AHCY: variants seen among roughly 807,000 people sequenced by gnomAD.
AHCY encodes adenosylhomocysteinase, also known as S-adenosyl-L-homocysteine hydrolase.
In AHCY, 24 loss-of-function variants were observed where a neutral mutation model predicts 45.4. The observed-to-expected ratio is 0.53, with a 90% CI of 0.38 to 0.74. The LOEUF is 0.74. Among genes scored for constraint, AHCY ranks in the 30% least tolerant of loss-of-function variants. AHCY has a pLI of 0.00. For synonymous variants in AHCY, 245 were observed against 235.1 expected (o/e 1.04, Z -0.39); for missense variants, 449 against 594.1 (o/e 0.76, Z 2.54).
At chr20:34,273,444 T>A in the AHCY span, among the ~76,000 whole-genome samples, 4 of 152,226 alleles carry the variant, frequency 2.6e-5, no homozygotes, top group Non-Finnish European at 4.4e-5. Context: ...GCTCATTGCC[T>A]GTAATCCCAG....
chr20:34,279,392 C>T (rs843902), downstream of AHCY, among the ~76,000 whole-genome samples: 130,876 of 150,288 alleles, frequency 0.87, 57,063 homozygotes, highest in Admixed American at 0.91. Context: ...CTGCACTCTG[C>T]TGCCTGGGCA....
intron 1 of AHCY, among the ~76,000 whole-genome samples, chr20:34,297,400 C>T (rs2036610027): frequency 6.6e-6 from 1 of 152,070 alleles, no homozygotes. Context: ...CCGGTTCAAG[C>T]AATTCTCCTG....
chr20:34,283,874 G>A (rs2036083271), intron 9 of AHCY, among the ~76,000 whole-genome samples: 1 of 152,232 alleles, frequency 6.6e-6, no homozygotes, highest in Non-Finnish European at 1.5e-5. Flanking sequence ...AAGATGAAGG[G>A]ATGGTATGTA....
chr20:34,280,181 G>A (rs546665149), downstream of AHCY: 5 of 152,284 alleles, frequency 3.3e-5, no homozygotes, highest in African/African-American at 1.2e-4. Flanking sequence ...AGTACCCCGT[G>A]AATGCTTCAT....
the AHCY span, chr20:34,260,490 A>T: frequency 5.6e-6 from 9 of 1,613,464 alleles, no homozygotes; most frequent in Admixed American, 1.0e-4. Context: ...CTGAGAAGCA[A>T]CTCCTCTGTG....
At chr20:34,298,491 C>T (rs1363809639) in intron 1 of AHCY, among the ~76,000 whole-genome samples, 2 of 151,548 alleles carry the variant, frequency 1.3e-5, no homozygotes, top group Middle Eastern at 3.4e-3. Context: ...CTTGGTCTAG[C>T]GGTGACGCCA....
chr20:34,290,918 A>C lies in AHCY; in HGVS notation c.579T>G (p.Tyr193Ter). 6.2e-7 allele frequency: 1 copy of C among 1,614,122 alleles called. No individual in the cohort carries two copies. The highest frequency in any genetic ancestry group is 8.5e-7 in the Non-Finnish European group (1 of 1,180,002). ...SVTKSKFDNL[Y>*]GCRESLIDGI... is the part of the protein sequence containing the mutation. Reference sequence around the variant, plus strand: ...CATCTATGAGGGACTCCCGGCAGCCATAGAGGTTGTCAAACTTGCTCTGAA... The same window carrying C: ...CATCTATGAGGGACTCCCGGCAGCCCTAGAGGTTGTCAAACTTGCTCTGAA... The change falls in exon 6 of 10, where the codon TAT becomes TAG. Residue 193 changes from tyrosine (Y) to a stop codon, truncating the protein, a stop_gained. Transcript: ENST00000217426. LOFTEE classifies it high-confidence loss of function. This position sits in a 1 kb window ranked among gnomAD's most constrained non-coding sequence, Gnocchi z 4.5.
chr20:34,251,960 T>C, the AHCY span, among the ~76,000 whole-genome samples: 2 of 152,208 alleles, frequency 1.3e-5, no homozygotes, highest in Admixed American at 1.3e-4. Context: ...ACCCAGTCTA[T>C]GATATTTTGT....
At chr20:34,269,647 C>A in the AHCY span, among the ~76,000 whole-genome samples, 1 of 151,176 alleles carries the variant, frequency 6.6e-6, no homozygotes, top group Non-Finnish European at 1.5e-5. Context: ...AAAAAAAAAA[C>A]GGAAAGAAAG....
intron 4 of AHCY, 41 bp from the exon 5 acceptor site, chr20:34,291,572 C>T (rs371445565): frequency 4.1e-5 from 64 of 1,551,134 alleles, no homozygotes; most frequent in Non-Finnish European, 5.3e-5. Context: ...AGATGCCACA[C>T]CTGTGCTCAT....
At chr20:34,261,370 G>A in the AHCY span, among the ~76,000 whole-genome samples, 1 of 152,082 alleles carries the variant, frequency 6.6e-6, no homozygotes, top group Admixed American at 6.6e-5. Flanking sequence ...CACGTGGCAT[G>A]CACCTGTAAT....
At chr20:34,258,762 T>TA in the AHCY span, among the ~76,000 whole-genome samples, 3 of 99,936 alleles carry the variant, frequency 3.0e-5, no homozygotes, top group Non-Finnish European at 3.9e-5. Context: ...TAATATATGA[T>TA]ATATATAATA....
At chr20:34,260,305 G>A in the AHCY span, 5 of 1,497,472 alleles carry the variant, frequency 3.3e-6, no homozygotes, top group East Asian at 2.3e-5. Flanking sequence ...AAGAAAGCAG[G>A]AAGGCCTCTT....
chr20:34,264,821 G>A, the AHCY span, among the ~76,000 whole-genome samples: 4 of 142,546 alleles, frequency 2.8e-5, no homozygotes, highest in Non-Finnish European at 6.0e-5. Flanking sequence ...TTAGAAATGG[G>A]GTGTCACTCT....
chr20:34,250,568 C>T, the AHCY span, among the ~76,000 whole-genome samples: 5 of 152,114 alleles, frequency 3.3e-5, no homozygotes, highest in East Asian at 3.9e-4. Context: ...GAGGCTGAGG[C>T]GGGCGGATCA....
intron 1 of AHCY, among the ~76,000 whole-genome samples, chr20:34,299,381 C>G (rs2036694218): frequency 6.6e-6 from 1 of 152,206 alleles, no homozygotes; most frequent in Non-Finnish European, 1.5e-5. Flanking sequence ...CTTCCTGAAA[C>G]CCTTTCTTTA....
the AHCY span, among the ~76,000 whole-genome samples, chr20:34,254,538 T>C: frequency 6.6e-6 from 1 of 152,202 alleles, no homozygotes; most frequent in African/African-American, 2.4e-5. Context: ...AATCTGAACT[T>C]ACCTGAAGAC....
chr20:34,254,626 A>G, the AHCY span, among the ~76,000 whole-genome samples: 1 of 152,184 alleles, frequency 6.6e-6, no homozygotes, highest in Non-Finnish European at 1.5e-5. Context: ...ATGAAGATCC[A>G]TGCCTTTTTG....
chr20:34,293,537 A>T (rs920479793), intron 3 of AHCY: 3 of 205,544 alleles, frequency 1.5e-5, no homozygotes, highest in African/African-American at 7.0e-5. Flanking sequence ...AGCCCTGGTC[A>T]GTCTGTGAAG....
Sources: allele counts gnomAD v4.1 joint callset (sites outside exome capture counted in the v4.1 genomes callset), GRCh38; gene constraint gnomAD v4.1.1; non-coding constraint Gnocchi (gnomAD v3.1); transcripts MANE v1.5; gene names NCBI Gene and HGNC (gene_info 2026-07-23, HGNC 2026-07-21).